GATM: variants seen among roughly 807,000 people sequenced by gnomAD.
GATM encodes the protein glycine amidinotransferase, also known as glycine amidinotransferase, mitochondrial.
In GATM, 23 loss-of-function variants were observed where a neutral mutation model predicts 54.2. The observed-to-expected ratio is 0.42, with a 90% CI of 0.31 to 0.60. GATM has a LOEUF of 0.60. Among genes scored for constraint, GATM ranks in the 20% least tolerant of loss-of-function variants. The pLI is 0.14. For synonymous variants in GATM, 168 were observed against 183.1 expected, an observed-to-expected ratio of 0.92 and a Z score of 0.67; for missense variants, 401 against 544.9, an observed-to-expected ratio of 0.74 and a Z score of 2.63.
At chr15:45,386,210 A>G (rs1407922916) in intron 3 of GATM, among the ~76,000 whole-genome samples, 1 of 152,242 alleles carries the variant, frequency 6.6e-6, no homozygotes, top group Non-Finnish European at 1.5e-5. Context: ...TCTCTGAACC[A>G]TGTTGAACAT....
At chr15:45,384,112 G>T (rs186316415) in intron 3 of GATM, among the ~76,000 whole-genome samples, 17 of 152,264 alleles carry the variant, frequency 1.1e-4, no homozygotes, top group Admixed American at 1.1e-3. Flanking sequence ...TAACTTCTAG[G>T]ACACTTGATT....
At chr15:45,381,415 G>A (rs1008323369), upstream of GATM, among the ~76,000 whole-genome samples, 2 of 152,070 alleles carry the variant, frequency 1.3e-5, no homozygotes, top group African/African-American at 2.4e-5. Flanking sequence ...TGTTGCTTTC[G>A]AGATATGCCC....
chr15:45,396,180 T>C (rs1889927959), intron 3 of GATM: 1 of 152,218 alleles, frequency 6.6e-6, no homozygotes, highest in Non-Finnish European at 1.5e-5. Context: ...GAAGTTGCTA[T>C]GAATAAACCA....
chr15:45,392,651 T>A (rs1234793704), intron 3 of GATM, among the ~76,000 whole-genome samples: 1 of 152,224 alleles, frequency 6.6e-6, no homozygotes, highest in Admixed American at 6.5e-5. Context: ...TGGGGCCACA[T>A]CTTTGTTTCC....
chr15:45,369,994 C>T (rs1216450641), intron 2 of GATM, among the ~76,000 whole-genome samples: 1 of 152,112 alleles, frequency 6.6e-6, no homozygotes, highest in Non-Finnish European at 1.5e-5. Flanking sequence ...GAAAATAGCA[C>T]CTCAAGATAT....
At chr15:45,364,979 A>G (rs772441640) in intron 6 of GATM, 119 bp from the exon 7 acceptor site, 116 of 796,086 alleles carry the variant, frequency 1.5e-4, no homozygotes, top group Non-Finnish European at 2.3e-4. Flanking sequence ...CTCAGCTTCC[A>G]AAAGAAAGAA....
At chr15:45,378,643 G>T, upstream of GATM, 1 of 456,886 alleles carries the variant, frequency 2.2e-6, no homozygotes, top group Non-Finnish European at 3.8e-6. Flanking sequence ...TGGGGCCGGC[G>T]TAGCGCCCCG....
intron 1 of GATM, chr15:45,377,049 C>G (rs928210696): frequency 3.8e-5 from 21 of 552,360 alleles, no homozygotes; most frequent in African/African-American, 2.8e-4. Context: ...ATTGCTGTAA[C>G]TCTTTAAAAC....
At chr15:45,388,678 G>A (rs573919032) in intron 3 of GATM, among the ~76,000 whole-genome samples, 1 of 152,284 alleles carries the variant, frequency 6.6e-6, no homozygotes, top group East Asian at 1.9e-4. Flanking sequence ...GCATTATGGA[G>A]TTCTGGAAAG....
At chr15:45,380,523 T>C (rs1889727468), upstream of GATM, 1 of 152,166 alleles carries the variant, frequency 6.6e-6, no homozygotes, top group African/African-American at 2.4e-5. Context: ...GGTCTGATTC[T>C]CTTAGTGTAC....
chr15:45,380,400 C>T (rs989531406), upstream of GATM: 2 of 152,068 alleles, frequency 1.3e-5, no homozygotes, highest in East Asian at 3.9e-4. Flanking sequence ...AACCAAATCC[C>T]TTTATCTTTC....
At chr15:45,381,242 C>CAA (rs1310351342), upstream of GATM, among the ~76,000 whole-genome samples, 6 of 151,338 alleles carry the variant, frequency 4.0e-5, no homozygotes, top group Non-Finnish European at 8.8e-5. Context: ...GGTCTCATAC[C>CAA]TAGTCGTTAT....
At chr15:45,372,709 A>G (rs1889562872) in intron 2 of GATM, among the ~76,000 whole-genome samples, 1 of 152,220 alleles carries the variant, frequency 6.6e-6, no homozygotes, top group Non-Finnish European at 1.5e-5. Context: ...TGCAGGGTGA[A>G]GCTTGCCTTG....
Position 45,363,921 on chromosome 15 carries a change from G to C in GATM, c.1138C>G (p.Gln380Glu). 6.2e-7 allele frequency: 1 copy of C among 1,609,978 alleles called. No individual in the cohort carries two copies. Among genetic ancestry groups the C allele is most frequent in the Non-Finnish European group, 8.5e-7 (1 of 1,176,658 alleles). ...ATACCCAGCTTTTCAAACATCTTTT[G>C]AATTGGAACTTCATTGGCATCCACC... ...VMVDANEVPI[Q>E]KMFEKLGITT... The change falls in exon 8 of 9, where the codon CAA becomes GAA. Residue 380 changes from glutamine (Q) to glutamate (E), a missense_variant. Physicochemically the swap from Gln to Glu is conservative, Grantham distance 29 (BLOSUM62 2). Coordinates refer to ENST00000396659, the MANE Select transcript of GATM (RefSeq NM_001482.3).
chr15:45,372,799 G>T (rs149829797), intron 2 of GATM, among the ~76,000 whole-genome samples: 101 of 152,320 alleles, frequency 6.6e-4, no homozygotes, highest in African/African-American at 2.4e-3. Flanking sequence ...TCTGGCAAAG[G>T]TTGGGCAAAG....
chr15:45,364,033 C>T lies in GATM; in HGVS notation c.1043-17G>A, dbSNP rs762643205. The stretch of plus-strand genomic sequence containing the variant: ...GTGGATGATCTAAAAACAGCAACAA[C>T]TGTTAAACCATGTCCGCTATCATTT... On this transcript the variant is annotated splice_polypyrimidine_tract_variant and intron_variant, in intron 7 of 8. Coordinates refer to ENST00000396659, the MANE Select transcript of GATM (RefSeq NM_001482.3). 2.2e-6 allele frequency: 3 copies of T among 1,381,672 alleles called. No homozygotes were observed. The highest frequency in any genetic ancestry group is 1.7e-5 in the Admixed American group (1 of 59,738). The allele number at this position is 1,381,672 out of a possible 1,614,324, so 85.6% of individuals were successfully genotyped here.
intron 1 of GATM, among the ~76,000 whole-genome samples, chr15:45,400,191 A>G (rs914140671): frequency 6.6e-6 from 1 of 152,206 alleles, no homozygotes; most frequent in Non-Finnish European, 1.5e-5. Flanking sequence ...CATTGCACTC[A>G]AGACTGGGTG....
intron 1 of GATM, chr15:45,378,133 A>T: frequency 2.3e-6 from 1 of 437,976 alleles, no homozygotes; most frequent in Non-Finnish European, 4.1e-6. Context: ...CGCAGACAGC[A>T]AGTGGACCCC....
At chr15:45,390,725 A>G (rs931428445) in intron 3 of GATM, among the ~76,000 whole-genome samples, 28 of 138,706 alleles carry the variant, frequency 2.0e-4, no homozygotes, top group Non-Finnish European at 2.9e-5. Context: ...AATTAAGCTG[A>G]TAAGATACAC....
Sources: gnomAD v4.1 joint callset for allele counts (sites outside exome capture counted in the v4.1 genomes callset) on GRCh38, gnomAD v4.1.1 for gene constraint, MANE v1.5 for transcripts, NCBI Gene and HGNC (gene_info 2026-07-23, HGNC 2026-07-21) for gene names.